FGF2: variants seen among roughly 807,000 people sequenced by gnomAD.
FGF2 encodes basic fibroblast growth factor bFGF.
FGF2 carries 13 observed loss-of-function variants against 15.9 expected under a neutral mutation model. That is an observed-to-expected ratio of 0.82 (90% CI 0.53 to 1.30). The LOEUF (loss-of-function observed/expected upper bound fraction) is 1.30. Among genes scored for constraint, FGF2 ranks in the 50% most tolerant of loss-of-function variants. The probability of loss-of-function intolerance (pLI) is 0.00; values close to 1 mark genes in which losing one functional copy is unlikely to be tolerated. For synonymous variants in FGF2, 90 were observed against 78.4 expected (o/e 1.15, Z -0.78); for missense variants, 163 against 196.9 (o/e 0.83, Z 1.03).
At chr4:122,833,179 A>ATGTGTGTGTGTGTGTGTG (rs139686023) in intron 1 of FGF2, among the ~76,000 whole-genome samples, 163 of 149,054 alleles carry the variant, frequency 1.1e-3, no homozygotes, top group African/African-American at 3.6e-3. Flanking sequence ...TGTATAATGG[A>ATGTGTGTGTGTGTGTGTG]TGTGTGTGTG....
chr4:122,857,726 C>T (rs1726370647), intron 1 of FGF2, among the ~76,000 whole-genome samples: 1 of 152,206 alleles, frequency 6.6e-6, no homozygotes, highest in Non-Finnish European at 1.5e-5. Flanking sequence ...TTGTTTCTAA[C>T]AGCCTACCTT....
intron 1 of FGF2, among the ~76,000 whole-genome samples, chr4:122,850,702 G>A (rs929850705): frequency 6.6e-6 from 1 of 152,154 alleles, no homozygotes; most frequent in Non-Finnish European, 1.5e-5. Context: ...CTCCCAAGTA[G>A]CTAGTTGTAT....
chr4:122,885,057 T>C (rs1001343317), intron 2 of FGF2, among the ~76,000 whole-genome samples: 1 of 152,226 alleles, frequency 6.6e-6, no homozygotes, highest in African/African-American at 2.4e-5. Context: ...CTCACAGATG[T>C]CAAGTTTGGA....
intron 2 of FGF2, among the ~76,000 whole-genome samples, chr4:122,877,834 G>C (rs1726888114): frequency 6.6e-6 from 1 of 152,150 alleles, no homozygotes. Flanking sequence ...CCAAAACAAG[G>C]CTTACAGAGA....
chr4:122,854,020 G>A (rs1726287602), intron 1 of FGF2, among the ~76,000 whole-genome samples: 1 of 152,148 alleles, frequency 6.6e-6, no homozygotes, highest in East Asian at 1.9e-4. Flanking sequence ...AGGCTTAGCT[G>A]GTTATACTGC....
At chr4:122,875,754 C>T (rs1180506458) in intron 1 of FGF2, among the ~76,000 whole-genome samples, 3 of 152,154 alleles carry the variant, frequency 2.0e-5, no homozygotes, top group Non-Finnish European at 4.4e-5. Context: ...TTGCAGTGAG[C>T]CGTGATTGTG....
chr4:122,826,922 A>G lies in FGF2; in HGVS notation c.-253A>G, dbSNP rs45626542. The stretch of plus-strand genomic sequence containing the variant: ...CTCTCCCCAGGCGGCGTCCGCGGAG[A>G]CACCCATCCGTGAACCCCAGGTCCC... On this transcript the variant is annotated 5_prime_UTR_variant, in exon 1 of 3. Coordinates refer to ENST00000644866, the MANE Select transcript of FGF2 (RefSeq NM_001361665.2). 103 of 1,493,954 alleles carry G rather than the reference A, an allele frequency of 6.9e-5. 1 individual carries two copies. In the East Asian group the frequency reaches 2.7e-3, roughly 39 times the overall value. The allele number at this position is 1,493,954 out of a possible 1,614,324, so 92.5% of individuals were successfully genotyped here. A position where few individuals can be genotyped will look rare whatever the true frequency, so the allele number is the denominator to read the frequency against.
Position 122,877,923 on chromosome 4 carries a change from T to C in FGF2, c.282+1499T>C, listed in dbSNP as rs557747910. On this transcript the variant is annotated intron_variant, in intron 2 of 2. Coordinates refer to ENST00000644866, the MANE Select transcript of FGF2 (RefSeq NM_001361665.2). ...CTTACATTGATATTACCAGTTTATG[T>C]AATTTTTGCAGGATAAATCACAAGT... Among the ~76,000 whole-genome samples the C allele has an allele frequency of 2.6e-5, 4 of 152,354 alleles. No individual in the cohort carries two copies. The South Asian group carries it at 8.3e-4, about 32-fold the overall frequency.
At chr4:122,873,078 C>T (rs894421701) in intron 1 of FGF2, among the ~76,000 whole-genome samples, 1 of 152,210 alleles carries the variant, frequency 6.6e-6, no homozygotes, top group African/African-American at 2.4e-5. Context: ...TCCCTTTCTG[C>T]CTTCTTGGGT....
chr4:122,877,060 T>C (rs891345273), intron 2 of FGF2, among the ~76,000 whole-genome samples: 2 of 152,176 alleles, frequency 1.3e-5, no homozygotes, highest in African/African-American at 4.8e-5. Flanking sequence ...AATTGTTACT[T>C]CTTCCTCACA....
At chr4:122,873,648 A>G (rs1175715114) in intron 1 of FGF2, among the ~76,000 whole-genome samples, 1 of 152,214 alleles carries the variant, frequency 6.6e-6, no homozygotes, top group Non-Finnish European at 1.5e-5. Context: ...TTAGGAGATG[A>G]AGCAGCTATG....
chr4:122,847,792 C>G (rs1435963566), intron 1 of FGF2, among the ~76,000 whole-genome samples: 1 of 152,200 alleles, frequency 6.6e-6, no homozygotes, highest in Non-Finnish European at 1.5e-5. Flanking sequence ...AGACCAAAGG[C>G]CGTCTGCTGG....
At chr4:122,848,852 C>G (rs906250015) in intron 1 of FGF2, among the ~76,000 whole-genome samples, 2 of 152,144 alleles carry the variant, frequency 1.3e-5, no homozygotes, top group Non-Finnish European at 2.9e-5. Context: ...CAAGATGACA[C>G]TGAAGTAAAG....
At chr4:122,866,877 A>G (rs529947668) in intron 1 of FGF2, among the ~76,000 whole-genome samples, 20 of 152,342 alleles carry the variant, frequency 1.3e-4, no homozygotes, top group African/African-American at 4.8e-4. Flanking sequence ...AATCTTGTCT[A>G]CGAATGTTCA....
In FGF2 at chr4:122,897,375, C is replaced by T; in HGVS notation, c.*4979C>T. On this transcript the variant is annotated 3_prime_UTR_variant, in exon 3 of 3. Coordinates refer to ENST00000644866, the MANE Select transcript of FGF2 (RefSeq NM_001361665.2). ...CTTCTCATTTTCAGACAGATTAATC[C>T]AGAAGCAGTCATAAACAGAAGAATA... The T allele has an allele frequency of 2.2e-6, 1 of 464,594 alleles. No individual in the cohort carries two copies. Among genetic ancestry groups the T allele is most frequent in the Non-Finnish European group, 3.9e-6 (1 of 259,478 alleles). 28.8% of individuals were successfully genotyped at this position (464,594 alleles called of 1,614,324 possible).
chr4:122,865,349 C>T (rs1031437508), intron 1 of FGF2, among the ~76,000 whole-genome samples: 2 of 151,998 alleles, frequency 1.3e-5, no homozygotes, highest in Admixed American at 6.6e-5. Context: ...GGAGTGCATT[C>T]GTGCTATCTC....
chr4:122,856,371 A>C (rs956365466), intron 1 of FGF2, among the ~76,000 whole-genome samples: 2 of 152,184 alleles, frequency 1.3e-5, no homozygotes, highest in African/African-American at 4.8e-5. Flanking sequence ...ATGAATTGTA[A>C]AATGAAAAAA....
intron 2 of FGF2, 24 bp from the exon 3 acceptor site, chr4:122,892,187 G>A: frequency 1.9e-6 from 3 of 1,549,834 alleles, no homozygotes; most frequent in Non-Finnish European, 2.7e-6. Context: ...AATAATAACA[G>A]GTAATTCTTC....
intron 1 of FGF2, among the ~76,000 whole-genome samples, chr4:122,836,474 C>G (rs1489026337): frequency 6.6e-6 from 1 of 152,168 alleles, no homozygotes; most frequent in African/African-American, 2.4e-5. Context: ...AAAATTCTCT[C>G]TAATAGCTTG....
Sources: gnomAD v4.1 joint callset for allele counts (sites outside exome capture counted in the v4.1 genomes callset) on GRCh38, gnomAD v4.1.1 for gene constraint, MANE v1.5 for transcripts, NCBI Gene and HGNC (gene_info 2026-07-23, HGNC 2026-07-21) for gene names.